The following TENM4 variants were observed in gnomAD, a reference collection of about 807,000 sequenced individuals.
TENM4 encodes teneurin-4.
In TENM4, 82 loss-of-function variants were observed where a neutral mutation model predicts 243.3. The ratio of observed to expected loss-of-function variants is 0.34; its 90% CI spans 0.28 to 0.40. TENM4 has a LOEUF of 0.40. Ranked by LOEUF, TENM4 falls within the 10% of genes least tolerant of loss-of-function variation. The pLI, the probability that TENM4 is intolerant of heterozygous loss-of-function variation, is 1.00. For missense variants in TENM4, 3,138 were observed against 3,673.3 expected, an observed-to-expected ratio of 0.85 and a Z score of 3.77; for synonymous variants, 1,412 against 1,456.3, an observed-to-expected ratio of 0.97 and a Z score of 0.69.
chr11:79,423,427 T>C (rs972070970), intron 1 of TENM4, among the ~76,000 whole-genome samples: 1 of 151,738 alleles, frequency 6.6e-6, no homozygotes, highest in Non-Finnish European at 1.5e-5. Context: ...TTCTCCCCCA[T>C]ACCATCCACA....
intron 1 of TENM4, among the ~76,000 whole-genome samples, chr11:79,372,239 T>C (rs1794033614): frequency 6.6e-6 from 1 of 152,226 alleles, no homozygotes; most frequent in South Asian, 2.1e-4. Flanking sequence ...ACTTATTAGA[T>C]GGACATCCCA....
intron 1 of TENM4, among the ~76,000 whole-genome samples, chr11:79,339,314 T>C (rs978803553): frequency 2.6e-5 from 4 of 152,262 alleles, no homozygotes; most frequent in African/African-American, 7.2e-5. Flanking sequence ...ATGCCTGCTC[T>C]ATCTCCATCA....
chr11:79,056,627 G>T (rs1859951528), intron 6 of TENM4, among the ~76,000 whole-genome samples: 1 of 152,070 alleles, frequency 6.6e-6, no homozygotes, highest in Non-Finnish European at 1.5e-5. Flanking sequence ...GGGAAGCTGA[G>T]ATTGTATCAA....
At chr11:79,277,782 T>C (rs780265376) in intron 2 of TENM4, among the ~76,000 whole-genome samples, 3 of 152,124 alleles carry the variant, frequency 2.0e-5, no homozygotes, top group Non-Finnish European at 2.9e-5. Flanking sequence ...AAAGGTGCTT[T>C]TGGCCCTGAC....
At chr11:79,005,764 T>G (rs542912444) in intron 6 of TENM4, among the ~76,000 whole-genome samples, 7 of 152,018 alleles carry the variant, frequency 4.6e-5, no homozygotes, top group African/African-American at 1.7e-4. Flanking sequence ...GAAAAAGAAA[T>G]AAATAAAAGG....
chr11:79,406,412 C>G (rs1276833983), intron 1 of TENM4, among the ~76,000 whole-genome samples: 1 of 152,200 alleles, frequency 6.6e-6, no homozygotes, highest in Non-Finnish European at 1.5e-5. Context: ...CTGTTGCCTC[C>G]TCATCCAAAC....
At position 78,952,481 on chromosome 11, in the gene TENM4, A is replaced by T. The variant is rs541967573; in HGVS notation, c.494-48958T>A. On this transcript the variant is annotated intron_variant, in intron 6 of 33. Coordinates refer to ENST00000278550, the MANE Select transcript of TENM4 (RefSeq NM_001098816.3). ...CGTGAGGGATGGATTAAAGGGAGAG[A>T]CAGGGGCAGGGAGGCCAGAAGGATG... is the stretch of plus-strand genomic sequence containing the variant. Among the ~76,000 whole-genome samples the T allele has an allele frequency of 1.4e-3, 210 of 152,342 alleles. 4 individuals carry two copies. In the Middle Eastern group the frequency reaches 0.02, roughly 15 times the overall value.
chr11:79,258,404 G>A (rs539600565), intron 2 of TENM4, among the ~76,000 whole-genome samples: 1 of 152,242 alleles, frequency 6.6e-6, no homozygotes, highest in Non-Finnish European at 1.5e-5. Flanking sequence ...AGGCAGTGGG[G>A]CCTCCATTCA....
chr11:79,187,141 T>C (rs1053803943), intron 3 of TENM4, among the ~76,000 whole-genome samples: 2 of 152,160 alleles, frequency 1.3e-5, no homozygotes, highest in African/African-American at 4.8e-5. Context: ...TGCTTTTGGG[T>C]TAATATGTTT....
At chr11:79,391,023 G>C (rs1004537224) in intron 1 of TENM4, among the ~76,000 whole-genome samples, 1 of 152,174 alleles carries the variant, frequency 6.6e-6, no homozygotes, top group African/African-American at 2.4e-5. Flanking sequence ...TTTTACATAA[G>C]AGGCAGCGTC....
At chr11:79,054,260 T>C (rs1373048898) in intron 6 of TENM4, among the ~76,000 whole-genome samples, 1 of 152,180 alleles carries the variant, frequency 6.6e-6, no homozygotes, top group African/African-American at 2.4e-5. Context: ...ATTCCAGCTT[T>C]ATCACTGTAC....
intron 4 of TENM4, chr11:79,096,764 G>A (rs552377995): frequency 1.3e-5 from 2 of 152,622 alleles, no homozygotes; most frequent in African/African-American, 4.8e-5. Flanking sequence ...TCTGCTCCTT[G>A]GAATATTCTG....
intron 32 of TENM4, among the ~76,000 whole-genome samples, chr11:78,663,327 T>A (rs1416539972): frequency 2.0e-5 from 3 of 152,140 alleles, no homozygotes; most frequent in Non-Finnish European, 2.9e-5. Context: ...CCTGTTTAGG[T>A]TCTAGGATGA....
chr11:79,411,334 G>A (rs746217393), intron 1 of TENM4, among the ~76,000 whole-genome samples: 1 of 152,170 alleles, frequency 6.6e-6, no homozygotes, highest in Non-Finnish European at 1.5e-5. Flanking sequence ...GCTTTTGTTT[G>A]ATGATAACTA....
intron 1 of TENM4, among the ~76,000 whole-genome samples, chr11:79,387,543 G>C (rs1858142698): frequency 6.6e-6 from 1 of 152,198 alleles, no homozygotes; most frequent in Non-Finnish European, 1.5e-5. Flanking sequence ...GGTTGTTGCA[G>C]GATGACAGTG....
At chr11:78,717,848 A>G (rs964690607) in intron 25 of TENM4, among the ~76,000 whole-genome samples, 3 of 152,212 alleles carry the variant, frequency 2.0e-5, no homozygotes, top group Non-Finnish European at 4.4e-5. Flanking sequence ...CTTCTGAAGA[A>G]AAGGCTTCAA....
intron 1 of TENM4, among the ~76,000 whole-genome samples, chr11:79,426,095 G>C (rs889754078): frequency 5.3e-5 from 8 of 152,176 alleles, no homozygotes; most frequent in Non-Finnish European, 1.0e-4. Flanking sequence ...GGCTATGAAA[G>C]GAGTATCTCC....
intron 1 of TENM4, among the ~76,000 whole-genome samples, chr11:79,386,777 A>AT (rs991105256): frequency 7.9e-5 from 12 of 151,246 alleles, no homozygotes; most frequent in Admixed American, 4.0e-4. Flanking sequence ...GAGCAAAAAA[A>AT]TTTTTTTTTA....
At chr11:79,139,673 T>TA (rs1433511145) in intron 4 of TENM4, among the ~76,000 whole-genome samples, 542 of 44,864 alleles carry the variant, frequency 0.012, 12 homozygotes, top group Non-Finnish European at 0.014. Flanking sequence ...AATATATATA[T>TA]TTTATATAAG....
Sources: gnomAD v4.1 joint callset for allele counts (sites outside exome capture counted in the v4.1 genomes callset) on GRCh38, gnomAD v4.1.1 for gene constraint, MANE v1.5 for transcripts, NCBI Gene and HGNC (gene_info 2026-07-23, HGNC 2026-07-21) for gene names.